Variants in PDE8B observed in about 807,000 individuals in gnomAD.
PDE8B encodes the protein high affinity cAMP-specific and IBMX-insensitive 3',5'-cyclic phosphodiesterase 8B.
A neutral mutation model predicts 101.3 loss-of-function variants in PDE8B; 26 were observed. The ratio of observed to expected loss-of-function variants is 0.26; its 90% CI spans 0.19 to 0.36. PDE8B has a LOEUF of 0.36. Ranked by LOEUF, PDE8B falls within the 10% of genes least tolerant of loss-of-function variation. The pLI is 1.00. For synonymous variants in PDE8B, 424 were observed against 429.3 expected (o/e 0.99, Z 0.15); for missense variants, 810 against 1,163.1 (o/e 0.70, Z 4.42).
chr5:77,119,812 C>T, the PDE8B span, among the ~76,000 whole-genome samples: 1 of 151,938 alleles, frequency 6.6e-6, no homozygotes, highest in Non-Finnish European at 1.5e-5. Flanking sequence ...GAGTTCGAGA[C>T]CAGCCTGGGG....
intron 1 of PDE8B, among the ~76,000 whole-genome samples, chr5:77,310,612 G>A (rs1772381637): frequency 1.3e-5 from 2 of 152,206 alleles, no homozygotes; most frequent in Admixed American, 1.3e-4. Context: ...CATTGTGCCA[G>A]GCCTGCTGAG....
chr5:77,249,750 A>C (rs1217757122), intron 1 of PDE8B, among the ~76,000 whole-genome samples: 1 of 152,252 alleles, frequency 6.6e-6, no homozygotes, highest in Non-Finnish European at 1.5e-5. Context: ...GCTCTTGTTT[A>C]CCTGAAGCAT....
At chr5:77,249,063 T>C (rs1269992222) in intron 1 of PDE8B, among the ~76,000 whole-genome samples, 1 of 152,242 alleles carries the variant, frequency 6.6e-6, no homozygotes, top group Non-Finnish European at 1.5e-5. Flanking sequence ...TATTTTGTTA[T>C]GGCCACTCAA....
At chr5:77,192,178 G>T in the PDE8B span, among the ~76,000 whole-genome samples, 1 of 152,180 alleles carries the variant, frequency 6.6e-6, no homozygotes, top group African/African-American at 2.4e-5. Flanking sequence ...TGGGTCCATG[G>T]CCCAGGGGTT....
rs1017932392 is a variant in PDE8B at position 77,210,701 on chromosome 5, C to T, written c.-225C>T. On this transcript the variant is annotated 5_prime_UTR_variant, in exon 1 of 22. Coordinates refer to ENST00000264917, the MANE Select transcript of PDE8B (RefSeq NM_003719.5). The surrounding 1 kb of genome is among the most constrained non-coding windows in gnomAD (Gnocchi z 4.9). ...CGCTGTGTATGCGCGCTCCCCCGCT[C>T]GGGGAGGAAGATGGCCCAAAAGGGA... 34 of 980,306 alleles carry T rather than the reference C, an allele frequency of 3.5e-5. No homozygotes were observed. The African/African-American group carries it at 5.3e-4, about 15-fold the overall frequency. The allele number at this position is 980,306 out of a possible 1,614,324, so 60.7% of individuals were successfully genotyped here. A position where few individuals can be genotyped will look rare whatever the true frequency, so the allele number is the denominator to read the frequency against.
At chr5:77,230,599 T>A (rs1753374173) in intron 1 of PDE8B, among the ~76,000 whole-genome samples, 1 of 152,192 alleles carries the variant, frequency 6.6e-6, no homozygotes, top group African/African-American at 2.4e-5. Flanking sequence ...CCCGAGTATC[T>A]AGGATTACAG....
the PDE8B span, chr5:77,100,403 T>A: frequency 6.6e-6 from 1 of 152,276 alleles, no homozygotes; most frequent in South Asian, 2.1e-4. Flanking sequence ...TAGGAGTACT[T>A]TTATTTACTG....
chr5:77,296,913 C>A (rs889121850), intron 1 of PDE8B, among the ~76,000 whole-genome samples: 6 of 152,130 alleles, frequency 3.9e-5, no homozygotes, highest in African/African-American at 1.4e-4. Flanking sequence ...TGTCTTTGGT[C>A]TTCTGCTGTG....
intron 10 of PDE8B, among the ~76,000 whole-genome samples, chr5:77,378,009 T>TAC (rs3031820): frequency 0.18 from 24,013 of 134,252 alleles, 2,214 homozygotes; most frequent in East Asian, 0.28. Context: ...CCTCTCTCTC[T>TAC]ACACACACAC....
chr5:77,369,589 A>G (rs1784735076), intron 10 of PDE8B, among the ~76,000 whole-genome samples: 1 of 152,204 alleles, frequency 6.6e-6, no homozygotes, highest in Admixed American at 6.5e-5. Context: ...CAGGCCCTAG[A>G]CTGTCTTAAA....
At chr5:77,354,018 T>C (rs1561572203) in intron 10 of PDE8B, among the ~76,000 whole-genome samples, 1 of 152,236 alleles carries the variant, frequency 6.6e-6, no homozygotes, top group Non-Finnish European at 1.5e-5. Flanking sequence ...AGATTAACAA[T>C]TATACAACAA....
intron 9 of PDE8B, among the ~76,000 whole-genome samples, chr5:77,352,761 A>C (rs953029414): frequency 1.3e-5 from 2 of 152,186 alleles, no homozygotes; most frequent in Admixed American, 1.3e-4. Flanking sequence ...TGATTTTTGC[A>C]TGGGGCTGAG....
the PDE8B span, among the ~76,000 whole-genome samples, chr5:77,108,898 A>G: frequency 6.6e-6 from 1 of 152,118 alleles, no homozygotes; most frequent in Admixed American, 6.6e-5. Flanking sequence ...CAATAATTTT[A>G]GTATAGAGAA....
intron 1 of PDE8B, among the ~76,000 whole-genome samples, chr5:77,258,872 C>A (rs1759767433): frequency 6.6e-6 from 1 of 151,946 alleles, no homozygotes; most frequent in Admixed American, 6.6e-5. Flanking sequence ...TTTTCCTCCT[C>A]CTGTACAGAC....
chr5:77,410,546 C>T (rs1432575256), intron 14 of PDE8B: 1 of 152,202 alleles, frequency 6.6e-6, no homozygotes, highest in Non-Finnish European at 1.5e-5. Flanking sequence ...TGGGTTTCCT[C>T]TCCAGAGAAT....
intron 2 of PDE8B, among the ~76,000 whole-genome samples, chr5:77,320,382 C>T (rs761400277): frequency 7.9e-5 from 12 of 152,192 alleles, no homozygotes; most frequent in East Asian, 1.9e-4. Context: ...GAGGTTTCCT[C>T]GTTGTTCCAG....
At chr5:77,273,933 C>G (rs962141517) in intron 1 of PDE8B, among the ~76,000 whole-genome samples, 2 of 152,038 alleles carry the variant, frequency 1.3e-5, no homozygotes, top group African/African-American at 4.8e-5. Context: ...AGCAATTCTC[C>G]TGCCTCAGCC....
Position 77,377,818 on chromosome 5 carries a change from G to A in PDE8B, c.1168-22430G>A, listed in dbSNP as rs932993197. Reference sequence around the variant, plus strand: ...TTGCCCTTGCTTCTTAAGCTGGGACGTTCATCATCTCCTTCCCCTGACATC... The same window carrying A: ...TTGCCCTTGCTTCTTAAGCTGGGACATTCATCATCTCCTTCCCCTGACATC... On this transcript the variant is annotated intron_variant, in intron 10 of 21. Coordinates refer to ENST00000264917, the MANE Select transcript of PDE8B (RefSeq NM_003719.5). Among the ~76,000 whole-genome samples the A allele has an allele frequency of 5.3e-5, 8 of 152,226 alleles. No individual in the cohort carries two copies. In the East Asian group the frequency reaches 1.2e-3, roughly 22 times the overall value.
intron 3 of PDE8B, among the ~76,000 whole-genome samples, chr5:77,326,458 A>G (rs1217146957): frequency 6.6e-6 from 1 of 152,244 alleles, no homozygotes; most frequent in Admixed American, 6.5e-5. Context: ...GTGAAATAAA[A>G]GGTGAGAAAA....
Sources: gnomAD v4.1 joint callset for allele counts (sites outside exome capture counted in the v4.1 genomes callset) on GRCh38, gnomAD v4.1.1 for gene constraint, Gnocchi (gnomAD v3.1) non-coding constraint, MANE v1.5 for transcripts, NCBI Gene and HGNC (gene_info 2026-07-23, HGNC 2026-07-21) for gene names.